MUC5AC: variants seen among roughly 807,000 people sequenced by gnomAD.
MUC5AC encodes mucin 5AC, oligomeric mucus/gel-forming.
In MUC5AC, 158 loss-of-function variants were observed where a neutral mutation model predicts 169.7. The ratio of observed to expected loss-of-function variants is 0.93; its 90% CI spans 0.82 to 1.06. The LOEUF is 1.06. MUC5AC is among the 50% of genes least tolerant of loss of function. The probability of loss-of-function intolerance (pLI) is 0.00; values close to 1 mark genes in which losing one functional copy is unlikely to be tolerated. For missense variants in MUC5AC, 4,359 were observed against 3,089.9 expected (o/e 1.41, Z -9.74); for synonymous variants, 1,975 against 1,237.0 (o/e 1.60, Z -12.52).
intron 46 of MUC5AC, 78 bp from the exon 47 acceptor site, chr11:1,199,617 G>T (rs2133780029): frequency 1.4e-6 from 1 of 696,898 alleles, no homozygotes; most frequent in East Asian, 2.7e-5. Context: ...TCCTGAGCCT[G>T]GCCCCATGTC....
In MUC5AC at chr11:1,198,946, G is replaced by A. The variant is rs756871136; in HGVS notation, c.16246G>A (p.Ala5416Thr). Residue 5416 changes from alanine (A) to threonine (T), a missense_variant, in exon 44 of 49, where the codon GCG becomes ACG. Transcript: ENST00000621226. Reference sequence around the variant, plus strand: ...GCTGCCGGGTGGCCCCCCATCGGACGCGTTTGTGGTCAGCTGTGAGACCCA... The same window carrying A: ...GCTGCCGGGTGGCCCCCCATCGGACACGTTTGTGGTCAGCTGTGAGACCCA... ...CELPGGPPSD[A>T]FVVSCETQIC... 2.9e-5 allele frequency: 22 copies of A among 763,462 alleles called. 1 individual carries two copies. The highest frequency in any genetic ancestry group is 2.2e-4 in the South Asian group (16 of 74,300). The allele number at this position is 763,462 out of a possible 1,614,324, so 47.3% of individuals were successfully genotyped here.
rs75338404 is a variant in MUC5AC at position 1,198,276 on chromosome 11, G to A, written c.16144G>A (p.Val5382Met). ...TGTCTTCTCGTGGGCAGGCTGGACAGTGTGCAGCATCAACGGGACCCTGTA... is the reference window on the plus strand; with the variant it reads ...TGTCTTCTCGTGGGCAGGCTGGACAATGTGCAGCATCAACGGGACCCTGTA... ...CCPVQNCSWT[V>M]CSINGTLYQP... Residue 5382 changes from valine to methionine, a missense_variant, in exon 43 of 49, where the codon GTG (valine) becomes ATG (methionine). By Grantham distance (21) the Val-to-Met change is conservative (BLOSUM62 1). Coordinates refer to ENST00000621226, the MANE Select transcript of MUC5AC (RefSeq NM_001304359.2). 9.3e-6 allele frequency: 7 copies of A among 755,236 alleles called. No individual in the cohort carries two copies. In the African/African-American group the frequency reaches 1.2e-4, roughly 13 times the overall value. The allele number at this position is 755,236 out of a possible 1,614,324, so 46.8% of individuals were successfully genotyped here.
At chr11:1,160,826 A>G in intron 2 of MUC5AC, 137 bp downstream of exon 2, 1 of 824,258 alleles carries the variant, frequency 1.2e-6, no homozygotes, top group Non-Finnish European at 1.9e-6. Context: ...GGGGGACAGG[A>G]GGACACCCCC....
In MUC5AC at chr11:1,186,349, C is replaced by G. The variant is rs1352694111; in HGVS notation, c.8204C>G (p.Ala2735Gly). ...GCCCCAACAACCAGCACAACCTCTG[C>G]CACTACAACCAGCACGACCTCTGCT... ...ISAPTTSTTSATTTSTTSAPT... is the reference protein window; with the variant it reads ...ISAPTTSTTSGTTTSTTSAPT... The change falls in exon 31 of 49, where the codon GCC becomes GGC. Residue 2735 changes from alanine (A) to glycine (G), a missense_variant. Coordinates refer to ENST00000621226, the MANE Select transcript of MUC5AC (RefSeq NM_001304359.2). 62 of 718,404 alleles carry G rather than the reference C, an allele frequency of 8.6e-5. No homozygotes were observed. In the East Asian group the frequency reaches 9.7e-4, roughly 11 times the overall value. 44.5% of individuals were successfully genotyped at this position (718,404 alleles called of 1,614,324 possible).
At position 1,188,813 on chromosome 11, in the gene MUC5AC, A is replaced by T; in HGVS notation, c.10668A>T (p.Lys3556Asn). 1.3e-6 allele frequency: 1 copy of T among 755,450 alleles called. No individual in the cohort carries two copies. Among genetic ancestry groups the T allele is most frequent in the South Asian group, 1.4e-5 (1 of 73,146 alleles). 46.8% of individuals were successfully genotyped at this position (755,450 alleles called of 1,614,324 possible). A position where few individuals can be genotyped will look rare whatever the true frequency, so the allele number is the denominator to read the frequency against. ...ACAACATCATCAGGAGTGGGGAAAA[A>T]ATCTGCCGCCGACCTGAGGAGATCA... ...TYNNIIRSGE[K>N]ICRRPEEITR... The change falls in exon 31 of 49, where the codon AAA becomes AAT. Residue 3556 changes from lysine (K) to asparagine (N), a missense_variant. Lys to Asn is a moderately conservative substitution (Grantham distance 94, BLOSUM62 0). Transcript: ENST00000621226.
At position 1,176,568 on chromosome 11, in the gene MUC5AC, G is replaced by A. The variant is rs1206878650; in HGVS notation, c.2557G>A (p.Gly853Ser). Reference sequence around the variant, plus strand: ...GTGCCCCGACGGGCTGGTGGCGGACGGCGAGGGCGGCTGCATCACTGCGGA... The same window carrying A: ...GTGCCCCGACGGGCTGGTGGCGGACAGCGAGGGCGGCTGCATCACTGCGGA... ...CVCPDGLVAD[G>S]EGGCITAEDC... The change falls in exon 21 of 49, where the codon GGC becomes AGC. Residue 853 changes from glycine (G) to serine (S), a missense_variant. Transcript: ENST00000621226. 4 of 399,664 alleles carry A rather than the reference G, an allele frequency of 1.0e-5. No individual in the cohort carries two copies. The highest frequency in any genetic ancestry group is 4.1e-5 in the African/African-American group (2 of 48,652). 24.8% of individuals were successfully genotyped at this position (399,664 alleles called of 1,614,324 possible). A position where few individuals can be genotyped will look rare whatever the true frequency, so the allele number is the denominator to read the frequency against.
chr11:1,163,152 A>G, intron 6 of MUC5AC, 107 bp downstream of exon 6: 1 of 1,047,972 alleles, frequency 9.5e-7, no homozygotes. Context: ...GCACAGATAC[A>G]CGGATGCAGC....
At chr11:1,172,284 A>G (rs879007367) in intron 15 of MUC5AC, 145 bp from the exon 16 acceptor site, 67,150 of 397,406 alleles carry the variant, frequency 0.17, 6,382 homozygotes, top group Non-Finnish European at 0.2. Flanking sequence ...CACACCACCC[A>G]GGCTGAGTGT....
intron 15 of MUC5AC, among the ~76,000 whole-genome samples, chr11:1,172,185 G>T (rs1044398418): frequency 6.6e-6 from 1 of 152,244 alleles, no homozygotes; most frequent in Non-Finnish European, 1.5e-5. Context: ...GGCTGTGAGG[G>T]GCTGGGTGGG....
Position 1,191,797 on chromosome 11 carries a change from C to T in MUC5AC, c.13652C>T (p.Thr4551Met), listed in dbSNP as rs759514119. 3.0e-5 allele frequency: 23 copies of T among 762,980 alleles called. No homozygotes were observed. The highest frequency in any genetic ancestry group is 2.3e-4 in the Middle Eastern group (1 of 4,440). The allele number at this position is 762,980 out of a possible 1,614,324, so 47.3% of individuals were successfully genotyped here. ...PGTSLSPVPTTSTTSAPTTST... is the reference protein window; with the variant it reads ...PGTSLSPVPTMSTTSAPTTST... ...ACTTCTCTCAGCCCTGTTCCCACCACGAGCACAACCTCTGCTCCTACAACT... is the reference window on the plus strand; with the variant it reads ...ACTTCTCTCAGCCCTGTTCCCACCATGAGCACAACCTCTGCTCCTACAACT... Residue 4551 changes from threonine to methionine, a missense_variant, in exon 31 of 49, where the codon ACG becomes ATG. Coordinates refer to ENST00000621226, the MANE Select transcript of MUC5AC (RefSeq NM_001304359.2).
rs1461405336 is a variant in MUC5AC at position 1,186,035 on chromosome 11, T to C, written c.7890T>C (p.Ser2630=). ...CTGCCACTACAACCAGCAGAATCTCTGGTCCTGAAACTACTCCCAGCCCTG... is the reference window on the plus strand; with the variant it reads ...CTGCCACTACAACCAGCAGAATCTCCGGTCCTGAAACTACTCCCAGCCCTG... ...TTSATTTSRI[S]GPETTPSPVP... is the part of the protein sequence containing the mutation. Residue 2630 remains serine, a synonymous_variant, in exon 31 of 49, where the codon TCT becomes TCC. Coordinates refer to ENST00000621226, the MANE Select transcript of MUC5AC (RefSeq NM_001304359.2). The C allele has an allele frequency of 4.1e-6, 3 of 733,458 alleles. No individual in the cohort carries two copies. The East Asian group carries it at 7.5e-5, about 18-fold the overall frequency. The allele number at this position is 733,458 out of a possible 1,614,324, so 45.4% of individuals were successfully genotyped here. A position where few individuals can be genotyped will look rare whatever the true frequency, so the allele number is the denominator to read the frequency against.
At position 1,199,702 on chromosome 11, in the gene MUC5AC, C is replaced by T; in HGVS notation, c.16523C>T (p.Ala5508Val). 1.4e-6 allele frequency: 1 copy of T among 709,394 alleles called. No individual in the cohort carries two copies. 43.9% of individuals were successfully genotyped at this position (709,394 alleles called of 1,614,324 possible). ...CPPLSCSLDE[A>V]RMSKDGCCRF... ...GCCCCTCTGTCGGCACAGGACGAGG[C>T]CCGCATGAGCAAGGACGGCTGCTGC... is the stretch of plus-strand genomic sequence containing the variant. The change falls in exon 47 of 49, where the codon GCC becomes GTC. Residue 5508 changes from alanine to valine, a missense_variant. By Grantham distance (64) the Ala-to-Val change is moderately conservative (BLOSUM62 0). Transcript: ENST00000621226.
intron 27 of MUC5AC, 85 bp from the exon 28 acceptor site, chr11:1,180,269 C>A (rs878861627): frequency 0.045 from 17,889 of 398,576 alleles, 596 homozygotes; most frequent in African/African-American, 0.099. Context: ...CGGCGAGGCC[C>A]GCTGCTTGGG....
rs1192911502 is a variant in MUC5AC at position 1,175,089 on chromosome 11, G to T, written c.2300G>T (p.Gly767Val). The T allele has an allele frequency of 7.5e-6, 3 of 399,304 alleles. No homozygotes were observed. Among genetic ancestry groups the T allele is most frequent in the African/African-American group, 4.1e-5 (2 of 48,630 alleles). 24.7% of individuals were successfully genotyped at this position (399,304 alleles called of 1,614,324 possible). ...AGCAACTGTCCCTGCTACCACAGAGGCTCCATGATCCCCAATGGGGAGTCG... is the reference window on the plus strand; with the variant it reads ...AGCAACTGTCCCTGCTACCACAGAGTCTCCATGATCCCCAATGGGGAGTCG... ...QASNCPCYHR[G>V]SMIPNGESVH... Residue 767 changes from glycine (G) to valine (V), a missense_variant, in exon 18 of 49, where the codon GGC (glycine) becomes GTC (valine). Transcript: ENST00000621226.
rs757464418 is a variant in MUC5AC at position 1,194,633 on chromosome 11, C to A, written c.15153C>A (p.Pro5051=). 3 of 763,600 alleles carry A rather than the reference C, an allele frequency of 3.9e-6. No individual in the cohort carries two copies. The highest frequency in any genetic ancestry group is 1.7e-5 in the African/African-American group (1 of 59,094). The allele number at this position is 763,600 out of a possible 1,614,324, so 47.3% of individuals were successfully genotyped here. A position where few individuals can be genotyped will look rare whatever the true frequency, so the allele number is the denominator to read the frequency against. Residue 5051 remains proline (P), a synonymous_variant, in exon 35 of 49, where the codon CCC becomes CCA. Transcript: ENST00000621226. The stretch of plus-strand genomic sequence containing the variant: ...GCCTCATCTTCTCCGTGGAGGTGCC[C>A]TTCAGCAAGTTTGCCAACAACACCG... ...FSGLIFSVEV[P]FSKFANNTEG...
Position 1,187,468 on chromosome 11 carries a change from C to G in MUC5AC, c.9323C>G (p.Thr3108Arg), listed in dbSNP as rs1176704967. Residue 3108 changes from threonine to arginine, a missense_variant, in exon 31 of 49, where the codon ACA (threonine) becomes AGA (arginine). By Grantham distance (71) the Thr-to-Arg change is moderately conservative. Transcript: ENST00000621226. The part of the protein sequence containing the change: ...TSTTSAPTTS[T>R]TSASTASKTS... ...ACAACGTCTGCTCCTACAACCAGCA[C>G]AACCTCTGCCTCTACAGCCAGCAAA... is the stretch of plus-strand genomic sequence containing the variant. 2.0e-5 allele frequency: 15 copies of G among 732,822 alleles called. No individual in the cohort carries two copies. The highest frequency in any genetic ancestry group is 1.9e-5 in the Admixed American group (1 of 53,476). 45.4% of individuals were successfully genotyped at this position (732,822 alleles called of 1,614,324 possible).
In MUC5AC at chr11:1,161,935, G is replaced by C. The variant is rs764095705; in HGVS notation, c.240G>C (p.Val80=). Residue 80 remains valine (V), a synonymous_variant, in exon 4 of 49, where the codon GTG becomes GTC. Coordinates refer to ENST00000621226, the MANE Select transcript of MUC5AC (RefSeq NM_001304359.2). The stretch of plus-strand genomic sequence containing the variant: ...CCAACCCGGCGCACAACGGGCGGGT[G>C]TGCAGCACCTGGGGCAGCTTCCACT... ...RASNPAHNGR[V]CSTWGSFHYK... is the part of the protein sequence containing the mutation. 2.5e-6 allele frequency: 4 copies of C among 1,612,014 alleles called. No individual in the cohort carries two copies. Among genetic ancestry groups the C allele is most frequent in the Non-Finnish European group, 3.4e-6 (4 of 1,179,606 alleles).
Position 1,188,242 on chromosome 11 carries a change from CA to C in MUC5AC, c.10099del (p.Thr3367ProfsTer64), listed in dbSNP as rs1861000637. ...SRTTTLVTTS[T>X]TSTPQTSTTS... is the part of the protein sequence containing the mutation. ...ACAACCACTTTGGTGACAACCAGCA[CA>C]ACCTCCACTCCACAGACCAGCACAA... is the stretch of plus-strand genomic sequence containing the variant. On this transcript the variant is annotated frameshift_variant, in exon 31 of 49. Coordinates refer to ENST00000621226, the MANE Select transcript of MUC5AC (RefSeq NM_001304359.2). LOFTEE classifies it high-confidence loss of function. 1 of 697,418 alleles carries C rather than the reference CA, an allele frequency of 1.4e-6. No homozygotes were observed. The highest frequency in any genetic ancestry group is 1.8e-5 in the African/African-American group (1 of 56,796). 43.2% of individuals were successfully genotyped at this position (697,418 alleles called of 1,614,324 possible). A position where few individuals can be genotyped will look rare whatever the true frequency, so the allele number is the denominator to read the frequency against.
chr11:1,169,133 C>T (rs987304816), intron 15 of MUC5AC, 107 bp downstream of exon 15: 33 of 1,416,122 alleles, frequency 2.3e-5, no homozygotes, highest in South Asian at 1.1e-4. Flanking sequence ...GCCTGTGAGC[C>T]GGGTGGGGTG....
Sources: allele counts gnomAD v4.1 joint callset (sites outside exome capture counted in the v4.1 genomes callset), GRCh38; gene constraint gnomAD v4.1.1; transcripts MANE v1.5; gene names NCBI Gene and HGNC (gene_info 2026-07-23, HGNC 2026-07-21).